The following UNC13A variants were observed in gnomAD, a reference collection of about 807,000 sequenced individuals.
UNC13A encodes unc-13 homolog A.
In UNC13A, 61 loss-of-function variants were observed where a neutral mutation model predicts 219.7. The observed-to-expected ratio is 0.28, with a 90% CI of 0.23 to 0.34. The LOEUF (loss-of-function observed/expected upper bound fraction) is 0.34. UNC13A is among the 10% of genes least tolerant of loss of function. The pLI is 1.00. For synonymous variants in UNC13A, 920 were observed against 884.6 expected (o/e 1.04, Z -0.71); for missense variants, 1,476 against 2,270.3 (o/e 0.65, Z 7.11).
At chr19:17,623,509 G>A in intron 36 of UNC13A, 33 bp downstream of exon 36, 1 of 1,525,382 alleles carries the variant, frequency 6.6e-7, no homozygotes, top group East Asian at 2.6e-5. Context: ...AGAGAGGACG[G>A]ACAGACAGAC....
At position 17,643,042 on chromosome 19, in the gene UNC13A, G is replaced by A. The variant is rs997745826; in HGVS notation, c.2357-82C>T. The A allele has an allele frequency of 2.0e-5, 22 of 1,115,604 alleles. No individual in the cohort carries two copies. In the East Asian group the frequency reaches 5.3e-4, roughly 27 times the overall value. The allele number at this position is 1,115,604 out of a possible 1,614,324, so 69.1% of individuals were successfully genotyped here. On this transcript the variant is annotated intron_variant, in intron 19 of 43. Coordinates refer to ENST00000519716, the MANE Select transcript of UNC13A (RefSeq NM_001080421.3). ...TTTTTTTTTTTTAAGAGGGAGTCTT[G>A]CTCTTGTCACCCAGGCTGGAGTGCA...
rs182184727 is a variant in UNC13A at position 17,673,721 on chromosome 19, A to T, written c.152+936T>A. Among the ~76,000 whole-genome samples, 463 of 146,178 alleles carry T rather than the reference A, an allele frequency of 3.2e-3. 2 individuals are homozygous for T. Among genetic ancestry groups the T allele is most frequent in the Middle Eastern group, 8.6e-3 (2 of 232 alleles). The stretch of plus-strand genomic sequence containing the variant: ...ACAAAACAAAAAAAAAAGGAAAAAA[A>T]TTCCATTGGCCAGGCATGGTGGCTC... On this transcript the variant is annotated intron_variant, in intron 3 of 43. Transcript: ENST00000519716.
chr19:17,684,577 C>T (rs776766208), intron 1 of UNC13A, among the ~76,000 whole-genome samples: 7 of 152,166 alleles, frequency 4.6e-5, no homozygotes, highest in Admixed American at 1.3e-4. Context: ...TGGGAAGCAG[C>T]GGGGCACCAC....
intron 31 of UNC13A, 93 bp downstream of exon 31, chr19:17,629,147 A>G: frequency 1.9e-6 from 2 of 1,059,262 alleles, no homozygotes; most frequent in South Asian, 1.4e-5. Context: ...GGACATACAT[A>G]GCCCCAGGTG....
rs372252659 is a variant in UNC13A, at chr19:17,612,719, T to C, written c.4559-864A>G. On this transcript the variant is annotated intron_variant, in intron 41 of 43. Transcript: ENST00000519716. ...AATTAGTGGCCATGGTGGGGCGTGCTTGTAGCCCCAGCTACTCTGGTGGCT... is the reference window on the plus strand; with the variant it reads ...AATTAGTGGCCATGGTGGGGCGTGCCTGTAGCCCCAGCTACTCTGGTGGCT... Among the ~76,000 whole-genome samples the C allele has an allele frequency of 3.9e-5, 6 of 152,170 alleles. No individual in the cohort carries two copies. In the East Asian group the frequency reaches 1.2e-3, roughly 29 times the overall value.
intron 42 of UNC13A, among the ~76,000 whole-genome samples, chr19:17,610,949 C>G (rs2076597217): frequency 6.6e-6 from 1 of 152,134 alleles, no homozygotes; most frequent in African/African-American, 2.4e-5. Context: ...AGGAGGATCG[C>G]TAGAGCCCAG....
rs375575806 is a variant in UNC13A, at chr19:17,627,524, C to T, written c.3905G>A (p.Arg1302Gln). 1.2e-5 allele frequency: 18 copies of T among 1,560,530 alleles called. No individual in the cohort carries two copies. In the African/African-American group the frequency reaches 1.6e-4, roughly 14 times the overall value. The change falls in exon 33 of 44, where the codon CGG becomes CAG. Residue 1302 changes from arginine (R) to glutamine (Q), a missense_variant. Physicochemically the swap from Arg to Gln is conservative, Grantham distance 43. Transcript: ENST00000519716. The surrounding 1 kb of genome is among the most constrained non-coding windows in gnomAD (Gnocchi z 4.7). ...KLNNVLDELS[R>Q]VFATSFQPHI... is the part of the protein sequence containing the mutation. ...ATGCTCCCACCTGGTAGCAAACACC[C>T]GGCTGAGCTCATCCAAGACGTTATT...
chr19:17,640,498 C>A lies in UNC13A; in HGVS notation c.2787+13G>T, dbSNP rs1211721077. The A allele has an allele frequency of 1.9e-5, 30 of 1,547,222 alleles. No homozygotes were observed. The highest frequency in any genetic ancestry group is 2.6e-5 in the Non-Finnish European group (30 of 1,145,832). ...CTCTCCCTAATTCTCCAATCCCAGT[C>A]CCCAGGACTGACCCCAAAGTTGGAG... On this transcript the variant is annotated intron_variant, in intron 22 of 43. Coordinates refer to ENST00000519716, the MANE Select transcript of UNC13A (RefSeq NM_001080421.3).
chr19:17,678,989 A>AG (rs2079954753), intron 1 of UNC13A, among the ~76,000 whole-genome samples: 1 of 151,906 alleles, frequency 6.6e-6, no homozygotes, highest in Admixed American at 6.6e-5. Flanking sequence ...CCAGGCATAG[A>AG]GGCACATGCC....
chr19:17,612,080 C>T, intron 41 of UNC13A: 2 of 434,072 alleles, frequency 4.6e-6, no homozygotes, highest in Non-Finnish European at 8.2e-6. Context: ...GATTGCTTAA[C>T]CTCTCTGAGC....
At chr19:17,647,808 C>T (rs537426812) in intron 16 of UNC13A, among the ~76,000 whole-genome samples, 14 of 143,650 alleles carry the variant, frequency 9.7e-5, no homozygotes, top group Non-Finnish European at 1.8e-4. Context: ...GAGTCCCCGC[C>T]CCCTCTGCGT....
chr19:17,606,166 G>T lies in UNC13A; in HGVS notation c.5000C>A (p.Thr1667Lys). Reference sequence around the variant, plus strand: ...GCGCTGCGAGAGGATTCGCAGCACCGTGAGGCCCGTGTCGTCCATGTGGAT... The same window carrying T: ...GCGCTGCGAGAGGATTCGCAGCACCTTGAGGCCCGTGTCGTCCATGTGGAT... ...RRIHMDDTGL[T>K]VLRILSQRSN... The change falls in exon 44 of 44, where the codon ACG becomes AAG. Residue 1667 changes from threonine (T) to lysine (K), a missense_variant. Transcript: ENST00000519716. 1 of 1,574,788 alleles carries T rather than the reference G, an allele frequency of 6.4e-7. No individual in the cohort carries two copies.
intron 41 of UNC13A, 42 bp from the exon 42 acceptor site, chr19:17,611,897 T>C: frequency 6.3e-7 from 1 of 1,577,350 alleles, no homozygotes; most frequent in Non-Finnish European, 8.7e-7. Context: ...AGCTCTGTTC[T>C]TTCCCACCCA....
At chr19:17,657,899 A>G (rs1299306597) in intron 9 of UNC13A, among the ~76,000 whole-genome samples, 163 bp downstream of exon 9, 3 of 151,930 alleles carry the variant, frequency 2.0e-5, no homozygotes, top group Non-Finnish European at 4.4e-5. Context: ...AAAAAAGAAA[A>G]AAATGGTTAA....
rs543197365 is a variant in UNC13A at position 17,645,930 on chromosome 19, G to A, written c.2186+40C>T. On this transcript the variant is annotated intron_variant, in intron 18 of 43. Transcript: ENST00000519716. The stretch of plus-strand genomic sequence containing the variant: ...AGCCCTCTTTTGGCTGCCCCAGCAG[G>A]ATGCCCCACATGGGGCCAGGGACCC... 8.8e-5 allele frequency: 141 copies of A among 1,605,744 alleles called. No homozygotes were observed. The East Asian group carries it at 3.1e-3, about 35-fold the overall frequency.
At chr19:17,632,142 C>G (rs2076862543) in intron 28 of UNC13A, among the ~76,000 whole-genome samples, 1 of 152,180 alleles carries the variant, frequency 6.6e-6, no homozygotes, top group African/African-American at 2.4e-5. Flanking sequence ...AACTCCTGAC[C>G]TCTGGTGATC....
chr19:17,612,245 A>C, intron 41 of UNC13A: 2 of 166,152 alleles, frequency 1.2e-5, no homozygotes, highest in Non-Finnish European at 2.6e-5. Context: ...CTCGATTCTC[A>C]TCCTACATAG....
At chr19:17,611,700 G>A (rs2076605470) in intron 42 of UNC13A, 63 bp downstream of exon 42, 3 of 1,464,352 alleles carry the variant, frequency 2.0e-6, no homozygotes, top group South Asian at 2.3e-5. Flanking sequence ...TGTTGCTTAA[G>A]CCAGTTTGAG....
In UNC13A at chr19:17,673,435, A is replaced by G. The variant is rs547301860; in HGVS notation, c.153-940T>C. 5.4e-3 allele frequency among the ~76,000 whole-genome samples: 760 copies of G among 142,024 alleles called. 4 individuals are homozygous for G. Among genetic ancestry groups the G allele is most frequent in the African/African-American group, 0.019 (719 of 38,234 alleles). The allele number at this position is 142,024 out of a possible 152,430, so 93.2% of individuals were successfully genotyped here. A position where few individuals can be genotyped will look rare whatever the true frequency, so the allele number is the denominator to read the frequency against. ...GATTGGTGGCTCCTGGCTCATGCCTATAATCCCAGCACTTTGGGAGGCCGA... is the reference window on the plus strand; with the variant it reads ...GATTGGTGGCTCCTGGCTCATGCCTGTAATCCCAGCACTTTGGGAGGCCGA... On this transcript the variant is annotated intron_variant, in intron 3 of 43. Coordinates refer to ENST00000519716, the MANE Select transcript of UNC13A (RefSeq NM_001080421.3).
Sources: allele counts gnomAD v4.1 joint callset (sites outside exome capture counted in the v4.1 genomes callset), GRCh38; gene constraint gnomAD v4.1.1; non-coding constraint Gnocchi (gnomAD v3.1); transcripts MANE v1.5; gene names NCBI Gene and HGNC (gene_info 2026-07-23, HGNC 2026-07-21).